Variants in METTL15 observed in about 807,000 individuals in gnomAD.
The protein encoded by METTL15 is methyltransferase 15, mitochondrial 12S rRNA N4-cytidine.
METTL15 carries 34 observed loss-of-function variants against 38.3 expected under a neutral mutation model. The ratio of observed to expected loss-of-function variants is 0.89; its 90% confidence interval spans 0.68 to 1.18. The LOEUF (loss-of-function observed/expected upper bound fraction) is 1.18, where lower values mean the gene tolerates loss of function less well. METTL15 is among the 50% of genes most tolerant of loss of function. The pLI, the probability that METTL15 is intolerant of heterozygous loss-of-function variation, is 0.00. For missense variants in METTL15, 438 were observed against 498.4 expected, an observed-to-expected ratio of 0.88 and a Z score of 1.15; for synonymous variants, 162 against 170.9, an observed-to-expected ratio of 0.95 and a Z score of 0.41.
chr11:28,109,006 A>T (rs963947489), intron 1 of METTL15, among the ~76,000 whole-genome samples: 3 of 152,232 alleles, frequency 2.0e-5, no homozygotes, highest in Admixed American at 2.0e-4. Context: ...GTATCCATTT[A>T]GCAATTATTT....
chr11:28,474,990 A>G (rs868090107), intron 6 of METTL15, among the ~76,000 whole-genome samples: 2 of 152,178 alleles, frequency 1.3e-5, no homozygotes, highest in African/African-American at 2.4e-5. Flanking sequence ...GAGGTCCTCA[A>G]TCCTCTCTCT....
intron 3 of METTL15, among the ~76,000 whole-genome samples, chr11:28,186,853 T>C (rs976481878): frequency 2.6e-5 from 4 of 151,138 alleles, no homozygotes; most frequent in Admixed American, 1.3e-4. Context: ...GATTCTTTGG[T>C]AGCTTAGGGT....
chr11:28,406,905 A>C (rs1850679280), intron 5 of METTL15, among the ~76,000 whole-genome samples: 1 of 152,144 alleles, frequency 6.6e-6, no homozygotes, highest in Non-Finnish European at 1.5e-5. Flanking sequence ...GGAATGTTGA[A>C]TTTTATCAAA....
chr11:28,230,851 T>C (rs1269652587), intron 4 of METTL15, among the ~76,000 whole-genome samples: 1 of 151,896 alleles, frequency 6.6e-6, no homozygotes, highest in Non-Finnish European at 1.5e-5. Context: ...CAATTCAATG[T>C]ACATTTTAGT....
chr11:28,258,385 C>T (rs1855058665), intron 4 of METTL15, among the ~76,000 whole-genome samples: 1 of 152,144 alleles, frequency 6.6e-6, no homozygotes, highest in South Asian at 2.1e-4. Context: ...TCCCTGTCTA[C>T]TGCCTATGTT....
At chr11:28,228,666 G>A (rs1226596083) in intron 4 of METTL15, among the ~76,000 whole-genome samples, 1 of 151,766 alleles carries the variant, frequency 6.6e-6, no homozygotes, top group Non-Finnish European at 1.5e-5. Context: ...TTGATGAAGT[G>A]TCTTGATCAA....
At chr11:28,435,620 G>A (rs547289295) in intron 6 of METTL15, among the ~76,000 whole-genome samples, 1 of 152,300 alleles carries the variant, frequency 6.6e-6, no homozygotes, top group South Asian at 2.1e-4. Context: ...CTCTACAAGT[G>A]TGAGACACCT....
intron 4 of METTL15, among the ~76,000 whole-genome samples, chr11:28,285,521 G>A (rs755232547): frequency 2.0e-5 from 3 of 152,104 alleles, no homozygotes; most frequent in Non-Finnish European, 4.4e-5. Context: ...AGCTATAGTA[G>A]TTAGCATGTT....
At chr11:28,279,846 C>T (rs1855984671) in intron 4 of METTL15, among the ~76,000 whole-genome samples, 1 of 150,640 alleles carries the variant, frequency 6.6e-6, no homozygotes. Context: ...TTGCAGTGAG[C>T]TGACATCACG....
chr11:28,345,674 T>C (rs923024915), intron 3 of METTL15, among the ~76,000 whole-genome samples: 1 of 152,196 alleles, frequency 6.6e-6, no homozygotes, highest in African/African-American at 2.4e-5. Flanking sequence ...ATTCCTTTTT[T>C]CTAAAGGACC....
chr11:28,224,611 C>T lies in METTL15; in HGVS notation c.407+13413C>T, dbSNP rs1260842627. Among the ~76,000 whole-genome samples the T allele has an allele frequency of 3.3e-5, 5 of 151,702 alleles. 1 individual carries two copies. The East Asian group carries it at 9.6e-4, about 29-fold the overall frequency. On this transcript the variant is annotated intron_variant, in intron 4 of 6. Transcript: ENST00000407364. ...CTACTTATATATTATCAGCACATTCCTCTTTCATTAGATTGTTTTAAAACA... is the reference window on the plus strand; with the variant it reads ...CTACTTATATATTATCAGCACATTCTTCTTTCATTAGATTGTTTTAAAACA...
At chr11:28,204,048 A>G (rs190999200) in intron 3 of METTL15, among the ~76,000 whole-genome samples, 1 of 152,078 alleles carries the variant, frequency 6.6e-6, no homozygotes, top group African/African-American at 2.4e-5. Flanking sequence ...TCAAATGCAC[A>G]AATGAAAATT....
chr11:28,259,541 A>G (rs757752440), intron 4 of METTL15, among the ~76,000 whole-genome samples: 1 of 152,164 alleles, frequency 6.6e-6, no homozygotes, highest in East Asian at 1.9e-4. Flanking sequence ...AGACTTGTGC[A>G]TAGGTACTTA....
At chr11:28,229,959 C>T (rs1853623322) in intron 4 of METTL15, among the ~76,000 whole-genome samples, 1 of 151,894 alleles carries the variant, frequency 6.6e-6, no homozygotes, top group Non-Finnish European at 1.5e-5. Flanking sequence ...TCTTATCTGT[C>T]TTCTATTCTT....
intron 6 of METTL15, among the ~76,000 whole-genome samples, chr11:28,509,756 C>T (rs760137342): frequency 2.0e-5 from 3 of 152,156 alleles, no homozygotes; most frequent in Non-Finnish European, 2.9e-5. Flanking sequence ...CTTGCTTAGA[C>T]ACCCCCAACC....
At chr11:28,506,726 A>C (rs1851630250) in intron 6 of METTL15, among the ~76,000 whole-genome samples, 1 of 142,642 alleles carries the variant, frequency 7.0e-6, no homozygotes, top group Non-Finnish European at 1.5e-5. Flanking sequence ...TTGCTAATCA[A>C]TCTCAGTCTC....
chr11:28,275,184 C>T (rs1250199900), intron 4 of METTL15, among the ~76,000 whole-genome samples: 1 of 151,102 alleles, frequency 6.6e-6, no homozygotes, highest in Non-Finnish European at 1.5e-5. Context: ...AAAGTTGGTT[C>T]CTCAAAAATA....
chr11:28,326,618 C>T (rs1849642479), intron 6 of METTL15, among the ~76,000 whole-genome samples: 2 of 151,896 alleles, frequency 1.3e-5, no homozygotes, highest in South Asian at 4.2e-4. Flanking sequence ...ACTCTGTCGC[C>T]CAGGCTGGAG....
At chr11:28,110,458 G>T (rs1411316637) in intron 2 of METTL15, 57 bp downstream of exon 2, 1 of 152,176 alleles carries the variant, frequency 6.6e-6, no homozygotes, top group African/African-American at 2.4e-5. Context: ...CAAACCTTTG[G>T]GGGTACTCCA....
Sources: gnomAD v4.1 joint callset for allele counts (sites outside exome capture counted in the v4.1 genomes callset) on GRCh38, gnomAD v4.1.1 for gene constraint, MANE v1.5 for transcripts, NCBI Gene and HGNC (gene_info 2026-07-23, HGNC 2026-07-21) for gene names.